The following ZPBP variants were observed in gnomAD, a reference collection of about 807,000 sequenced individuals.
ZPBP encodes zona pellucida binding protein, also known as zona pellucida-binding protein 1.
In ZPBP, 26 loss-of-function variants were observed where a neutral mutation model predicts 44.8. The observed-to-expected ratio is 0.58, with a 90% CI of 0.43 to 0.81. The LOEUF (loss-of-function observed/expected upper bound fraction) is 0.81. Among genes scored for constraint, ZPBP ranks in the 30% least tolerant of loss-of-function variants. ZPBP has a pLI of 0.00. For synonymous variants in ZPBP, 174 were observed against 153.2 expected (o/e 1.14, Z -1.00); for missense variants, 409 against 434.0 (o/e 0.94, Z 0.51).
At chr7:49,979,970 A>G (rs190597946) in intron 7 of ZPBP, among the ~76,000 whole-genome samples, 1 of 107,554 alleles carries the variant, frequency 9.3e-6, no homozygotes, top group South Asian at 2.5e-4. Context: ...TTTATATTAT[A>G]TATTATATAT....
intron 4 of ZPBP, among the ~76,000 whole-genome samples, chr7:50,053,049 TA>T (rs891959729): frequency 6.6e-6 from 1 of 152,072 alleles, no homozygotes; most frequent in Non-Finnish European, 1.5e-5. Flanking sequence ...ACCCATGGGA[TA>T]AAAATGGCAG....
At chr7:49,909,301 T>A (rs1225552985) in intron 1 of ZPBP, among the ~76,000 whole-genome samples, 4 of 152,072 alleles carry the variant, frequency 2.6e-5, no homozygotes. Context: ...TATTTTCAAA[T>A]TTACCTCTGC....
chr7:50,066,936 C>T (rs199949749), intron 3 of ZPBP, among the ~76,000 whole-genome samples: 1 of 152,164 alleles, frequency 6.6e-6, no homozygotes, highest in African/African-American at 2.4e-5. Context: ...GTCACTACTG[C>T]CGCTGATTTT....
rs529938209 is a variant in ZPBP, at chr7:50,093,188, C to G, written c.7G>C (p.Ala3Pro). The G allele has an allele frequency of 2.6e-6, 4 of 1,525,418 alleles. No individual in the cohort carries two copies. In the African/African-American group the frequency reaches 5.7e-5, roughly 22 times the overall value. 94.5% of individuals were successfully genotyped at this position (1,525,418 alleles called of 1,614,324 possible). The change falls in exon 1 of 8, where the codon GCC becomes CCC. Residue 3 changes from alanine to proline, a missense_variant. Physicochemically the swap from Ala to Pro is conservative, Grantham distance 27. This residue lies in a region of ZPBP where 367 missense variants were observed against 363.1 expected (regional missense o/e 1.01). Transcript: ENST00000046087. ...CGCCGCGCTGGGCCAAGGGCGAAGG[C>G]CTCCATCCACACGCCGCCGTCGCCT... ME[A>P]FALGPARRGR... is the part of the protein sequence containing the mutation.
intron 3 of ZPBP, among the ~76,000 whole-genome samples, chr7:50,078,607 A>G (rs1157304696): frequency 6.6e-6 from 1 of 151,494 alleles, no homozygotes; most frequent in African/African-American, 2.4e-5. Flanking sequence ...AACAATAAAA[A>G]TACTAAAAGA....
At position 50,032,827 on chromosome 7, in the gene ZPBP, C is replaced by A. The variant is rs559943699; in HGVS notation, c.488-1517G>T. On this transcript the variant is annotated intron_variant, in intron 4 of 7. Transcript: ENST00000046087. ...GTTGCTTTTGTTTTTTCTTCAAAATCTCTCGCAAATCCTAAAGTATCTTCA... is the reference window on the plus strand; with the variant it reads ...GTTGCTTTTGTTTTTTCTTCAAAATATCTCGCAAATCCTAAAGTATCTTCA... Among the ~76,000 whole-genome samples, 8 of 152,276 alleles carry A rather than the reference C, an allele frequency of 5.3e-5. No individual in the cohort carries two copies. In the South Asian group the frequency reaches 1.7e-3, roughly 32 times the overall value.
chr7:49,874,548 A>G (rs62456377), intron 2 of ZPBP, among the ~76,000 whole-genome samples: 58 of 147,762 alleles, frequency 3.9e-4, no homozygotes, highest in Non-Finnish European at 4.4e-4. Context: ...ATGACTATAT[A>G]TGTGTGTGTG....
chr7:49,985,128 G>C (rs1797202816), intron 6 of ZPBP, among the ~76,000 whole-genome samples: 2 of 152,188 alleles, frequency 1.3e-5, no homozygotes, highest in South Asian at 4.1e-4. Context: ...TTCCCACCTT[G>C]AGCGCTGAGC....
In ZPBP at chr7:50,093,231, AAGGTCGTT is replaced by A; in HGVS notation, c.-45_-38del. On this transcript the variant is annotated 5_prime_UTR_variant, in exon 1 of 8. Transcript: ENST00000046087. The stretch of plus-strand genomic sequence containing the variant: ...CGTCGCCTGCCCACCGTCCGCGCGG[AAGGTCGTT>A]AGGCAACGCGCGCCCACCTGCAGCC... The A allele has an allele frequency of 1.3e-6, 2 of 1,498,340 alleles. No homozygotes were observed. The highest frequency in any genetic ancestry group is 1.8e-6 in the Non-Finnish European group (2 of 1,128,118). 92.8% of individuals were successfully genotyped at this position (1,498,340 alleles called of 1,614,324 possible). A position where few individuals can be genotyped will look rare whatever the true frequency, so the allele number is the denominator to read the frequency against.
chr7:49,906,352 T>G (rs974933817), intron 1 of ZPBP, among the ~76,000 whole-genome samples: 2 of 152,192 alleles, frequency 1.3e-5, no homozygotes, highest in African/African-American at 2.4e-5. Flanking sequence ...TCTTTTTTTT[T>G]GAGACAGAGT....
intron 4 of ZPBP, among the ~76,000 whole-genome samples, chr7:50,054,079 C>CG (rs1240508607): frequency 6.6e-6 from 1 of 151,978 alleles, no homozygotes; most frequent in Non-Finnish European, 1.5e-5. Context: ...TTAGTAGAGA[C>CG]GGGGTTTTTC....
intron 7 of ZPBP, among the ~76,000 whole-genome samples, chr7:49,938,194 T>A (rs1794694412): frequency 6.6e-6 from 1 of 152,220 alleles, no homozygotes; most frequent in Non-Finnish European, 1.5e-5. Context: ...CCAAATGTGC[T>A]TCACACATGG....
At chr7:49,988,439 G>A (rs905712546) in intron 6 of ZPBP, among the ~76,000 whole-genome samples, 1 of 152,060 alleles carries the variant, frequency 6.6e-6, no homozygotes, top group African/African-American at 2.4e-5. Flanking sequence ...CCAAAATGAT[G>A]CTTAATCTTC....
chr7:49,892,031 ATTTTTTTTTTTTTTTTTTTTT>A lies in ZPBP; in HGVS notation n.509+9066_509+9086del, dbSNP rs536880676. ...GCAGTTGGCAGAACAGACAAAGTAGATTTTTTTTTTTTTTTTTTTTTTTTTTTTTTTGAGACGGAGTCTCGC... is the reference window on the plus strand; with the variant it reads ...GCAGTTGGCAGAACAGACAAAGTAGATTTTTTTTTTGAGACGGAGTCTCGC... On this transcript the variant is annotated intron_variant and non_coding_transcript_variant, in intron 2 of 2. Transcript: ENST00000465922. Among the ~76,000 whole-genome samples the A allele has an allele frequency of 5.6e-5, 3 of 53,288 alleles. No homozygotes were observed. The East Asian group carries it at 2.0e-3, about 36-fold the overall frequency. 35.0% of individuals were successfully genotyped at this position (53,288 alleles called of 152,430 possible).
intron 2 of ZPBP, among the ~76,000 whole-genome samples, chr7:49,874,130 T>C (rs1791295939): frequency 6.6e-6 from 1 of 152,116 alleles, no homozygotes; most frequent in Non-Finnish European, 1.5e-5. Context: ...CCTTGCTCTA[T>C]GTGTTGTAGC....
At chr7:49,996,140 A>G (rs1399819652) in intron 6 of ZPBP, among the ~76,000 whole-genome samples, 1 of 152,170 alleles carries the variant, frequency 6.6e-6, no homozygotes, top group Admixed American at 6.5e-5. Flanking sequence ...ATGTACAAAT[A>G]TTATGCATTA....
intron 3 of ZPBP, among the ~76,000 whole-genome samples, chr7:50,072,703 A>G (rs4917112): frequency 0.84 from 127,520 of 152,288 alleles, 53,439 homozygotes; most frequent in East Asian, 0.92. Flanking sequence ...GTAATCCAGA[A>G]AATTTTCCTG....
rs767942347 is a variant in ZPBP at position 49,986,803 on chromosome 7, A to G, written c.784-3284T>C. On this transcript the variant is annotated intron_variant, in intron 6 of 7. Coordinates refer to ENST00000046087, the MANE Select transcript of ZPBP (RefSeq NM_007009.3). ...TGAGGCTGGTCTTAAGTTATAGCCA[A>G]TCTGGAGTGGTTCACATGTCTTTAC... Among the ~76,000 whole-genome samples the G allele has an allele frequency of 5.3e-5, 8 of 152,172 alleles. No individual in the cohort carries two copies. The South Asian group carries it at 8.3e-4, about 16-fold the overall frequency.
At chr7:50,090,308 C>T (rs1224852850) in intron 1 of ZPBP, among the ~76,000 whole-genome samples, 1 of 151,902 alleles carries the variant, frequency 6.6e-6, no homozygotes, top group East Asian at 1.9e-4. Context: ...GCCTTTGCAT[C>T]CTCATAGCTT....
Sources: allele counts gnomAD v4.1 joint callset (sites outside exome capture counted in the v4.1 genomes callset), GRCh38; gene constraint gnomAD v4.1.1; regional missense constraint gnomAD v4.1.1; transcripts MANE v1.5; gene names NCBI Gene and HGNC (gene_info 2026-07-23, HGNC 2026-07-21).